SRGAP3: variants seen among roughly 807,000 people sequenced by gnomAD.
The protein encoded by SRGAP3 is SLIT-ROBO Rho GTPase activating protein 3, also known as SLIT-ROBO Rho GTPase-activating protein 3.
A neutral mutation model predicts 121.1 loss-of-function variants in SRGAP3; 39 were observed. The observed-to-expected ratio is 0.32, with a 90% confidence interval of 0.25 to 0.42. The LOEUF (loss-of-function observed/expected upper bound fraction) is 0.42. Ranked by LOEUF, SRGAP3 falls within the 10% of genes least tolerant of loss-of-function variation. The probability of loss-of-function intolerance (pLI) is 1.00; values close to 1 mark genes in which losing one functional copy is unlikely to be tolerated. For synonymous variants in SRGAP3, 601 were observed against 570.0 expected, an observed-to-expected ratio of 1.05 and a Z score of -0.77; for missense variants, 1,213 against 1,470.6, an observed-to-expected ratio of 0.82 and a Z score of 2.86.
chr3:9,004,056 G>C (rs1942924686), intron 18 of SRGAP3, among the ~76,000 whole-genome samples: 1 of 152,128 alleles, frequency 6.6e-6, no homozygotes, highest in Admixed American at 6.5e-5. Flanking sequence ...CAGGATACAA[G>C]AGCAGTATAG....
chr3:9,334,993 T>C (rs1213214600), intron 1 of SRGAP3, among the ~76,000 whole-genome samples: 1 of 152,090 alleles, frequency 6.6e-6, no homozygotes, highest in Non-Finnish European at 1.5e-5. Flanking sequence ...GCCAGGGAGG[T>C]AACAAAACTG....
chr3:9,038,410 T>C (rs1203884268), intron 10 of SRGAP3, among the ~76,000 whole-genome samples: 1 of 152,246 alleles, frequency 6.6e-6, no homozygotes, highest in Non-Finnish European at 1.5e-5. Context: ...CTTGGCTGTC[T>C]CATGGGTCTT....
chr3:9,122,485 G>A (rs933126081), intron 2 of SRGAP3, among the ~76,000 whole-genome samples: 20 of 152,114 alleles, frequency 1.3e-4, no homozygotes, highest in African/African-American at 3.4e-4. Flanking sequence ...CGAGGCGGGC[G>A]GATCATGAGG....
chr3:9,093,816 A>G (rs1348548419), intron 3 of SRGAP3, among the ~76,000 whole-genome samples: 1 of 152,176 alleles, frequency 6.6e-6, no homozygotes, highest in Non-Finnish European at 1.5e-5. Context: ...AAGAACCTTC[A>G]ATGGATCTCT....
intron 1 of SRGAP3, among the ~76,000 whole-genome samples, chr3:9,354,461 C>T (rs1158189247): frequency 6.6e-6 from 1 of 151,964 alleles, no homozygotes; most frequent in Non-Finnish European, 1.5e-5. Flanking sequence ...GGGTGGATCA[C>T]GAGGTTAGGA....
chr3:9,127,090 G>C (rs1949263555), intron 1 of SRGAP3, among the ~76,000 whole-genome samples: 1 of 152,114 alleles, frequency 6.6e-6, no homozygotes, highest in South Asian at 2.1e-4. Flanking sequence ...GAGAGGCTGA[G>C]GCAGGAGAAT....
chr3:9,075,579 T>A (rs1201900364), intron 4 of SRGAP3, among the ~76,000 whole-genome samples: 1 of 152,184 alleles, frequency 6.6e-6, no homozygotes, highest in African/African-American at 2.4e-5. Context: ...TAGCCCCAGA[T>A]AGAGACAAGC....
chr3:9,139,090 A>G lies in SRGAP3; in HGVS notation c.68-14173T>C, dbSNP rs143154869. Among the ~76,000 whole-genome samples, 736 of 152,226 alleles carry G rather than the reference A, an allele frequency of 4.8e-3. 4 individuals carry two copies. Among genetic ancestry groups the G allele is most frequent in the African/African-American group, 0.015 (635 of 41,530 alleles). ...CTCCCAGCTGCTTGGCCAGTGCTCA[A>G]CCCTTTTGTCCATAGTTCTTCATTT... On this transcript the variant is annotated intron_variant, in intron 1 of 21. Transcript: ENST00000383836.
intron 3 of SRGAP3, among the ~76,000 whole-genome samples, chr3:9,277,324 G>A (rs1954603793): frequency 6.6e-6 from 1 of 152,092 alleles, no homozygotes; most frequent in Non-Finnish European, 1.5e-5. Flanking sequence ...ACCAGGCCGG[G>A]CATGGTGGCT....
At chr3:9,038,544 C>T (rs1944878307) in intron 10 of SRGAP3, among the ~76,000 whole-genome samples, 1 of 152,238 alleles carries the variant, frequency 6.6e-6, no homozygotes, top group Admixed American at 6.5e-5. Flanking sequence ...CAAAGATTGA[C>T]CGAGCCCCTG....
intron 2 of SRGAP3, among the ~76,000 whole-genome samples, chr3:9,330,360 A>G (rs1379770283): frequency 6.6e-6 from 1 of 152,216 alleles, no homozygotes; most frequent in Non-Finnish European, 1.5e-5. Context: ...GACCCAGTCC[A>G]GTTTCTGTTG....
intron 1 of SRGAP3, among the ~76,000 whole-genome samples, chr3:9,155,518 C>T (rs1950388331): frequency 6.6e-6 from 1 of 152,108 alleles, no homozygotes; most frequent in African/African-American, 2.4e-5. Flanking sequence ...TGGAACTCTG[C>T]TTGGCATATA....
chr3:9,361,889 G>A (rs746597688), intron 1 of SRGAP3, among the ~76,000 whole-genome samples: 5 of 152,026 alleles, frequency 3.3e-5, no homozygotes, highest in Non-Finnish European at 7.4e-5. Context: ...GAAGTCAAGC[G>A]GTAGAAAACT....
At chr3:9,110,493 G>A (rs1282518128) in intron 2 of SRGAP3, among the ~76,000 whole-genome samples, 2 of 152,258 alleles carry the variant, frequency 1.3e-5, no homozygotes, top group Admixed American at 6.5e-5. Flanking sequence ...GTCAATCCCC[G>A]GGAAGCATGG....
chr3:9,097,413 A>G (rs1948029712), intron 3 of SRGAP3, among the ~76,000 whole-genome samples: 1 of 152,194 alleles, frequency 6.6e-6, no homozygotes, highest in Non-Finnish European at 1.5e-5. Flanking sequence ...TGAAAATGAC[A>G]AAACTGAGAG....
At chr3:9,150,388 C>A (rs1950176781) in intron 1 of SRGAP3, among the ~76,000 whole-genome samples, 1 of 151,972 alleles carries the variant, frequency 6.6e-6, no homozygotes. Context: ...ACCGAGAAGA[C>A]CCAATCTTCA....
chr3:9,069,825 T>A (rs1946614302), intron 4 of SRGAP3, among the ~76,000 whole-genome samples: 1 of 152,142 alleles, frequency 6.6e-6, no homozygotes, highest in East Asian at 1.9e-4. Flanking sequence ...TGGGCCCCTG[T>A]ACTCCTAGCT....
intron 1 of SRGAP3, among the ~76,000 whole-genome samples, chr3:9,200,758 G>A (rs111723446): frequency 3.4e-4 from 52 of 152,166 alleles, no homozygotes; most frequent in African/African-American, 1.3e-3. Flanking sequence ...AATATTACCT[G>A]GGGTGCTTGC....
At chr3:9,241,657 T>C (rs576665394) in intron 1 of SRGAP3, among the ~76,000 whole-genome samples, 1 of 152,282 alleles carries the variant, frequency 6.6e-6, no homozygotes, top group African/African-American at 2.4e-5. Flanking sequence ...CCCCCAAAAA[T>C]GCATATGTTG....
Sources: gnomAD v4.1 joint callset for allele counts (sites outside exome capture counted in the v4.1 genomes callset) on GRCh38, gnomAD v4.1.1 for gene constraint, MANE v1.5 for transcripts, NCBI Gene and HGNC (gene_info 2026-07-23, HGNC 2026-07-21) for gene names.